Variants in FGF14 observed in about 807,000 individuals in gnomAD.
FGF14 encodes the protein fibroblast growth factor 14.
In FGF14, 5 loss-of-function variants were observed where a neutral mutation model predicts 25.5. The ratio of observed to expected loss-of-function variants is 0.20; its 90% confidence interval spans 0.10 to 0.41. FGF14 has a LOEUF of 0.41. Ranked by LOEUF, FGF14 falls within the 10% of genes least tolerant of loss-of-function variation. The pLI is 1.00. For synonymous variants in FGF14, 138 were observed against 118.3 expected (o/e 1.17, Z -1.08); for missense variants, 222 against 320.1 (o/e 0.69, Z 2.34).
chr13:101,901,211 A>G (rs941617907), intron 1 of FGF14, among the ~76,000 whole-genome samples: 1 of 152,078 alleles, frequency 6.6e-6, no homozygotes, highest in Non-Finnish European at 1.5e-5. Context: ...AAAAAAAAAT[A>G]TGGTGGAATT....
chr13:102,224,311 G>T (rs989611301), intron 1 of FGF14, among the ~76,000 whole-genome samples: 3 of 152,120 alleles, frequency 2.0e-5, no homozygotes, highest in Non-Finnish European at 2.9e-5. Flanking sequence ...AATTTTTAGT[G>T]TAAAAATTAG....
At chr13:101,736,072 A>C (rs1313816535) in intron 3 of FGF14, among the ~76,000 whole-genome samples, 1 of 152,224 alleles carries the variant, frequency 6.6e-6, no homozygotes, top group Non-Finnish European at 1.5e-5. Flanking sequence ...AGTAGAGATT[A>C]GTGATAGCTC....
chr13:102,170,071 A>C (rs2048184394), intron 1 of FGF14, among the ~76,000 whole-genome samples: 1 of 152,140 alleles, frequency 6.6e-6, no homozygotes, highest in African/African-American at 2.4e-5. Context: ...CCTTGTCTTC[A>C]TTCATCTTAT....
chr13:101,864,593 A>G (rs917509813), intron 3 of FGF14, among the ~76,000 whole-genome samples: 4 of 152,124 alleles, frequency 2.6e-5, no homozygotes, highest in African/African-American at 9.7e-5. Flanking sequence ...CGTGAGCCCT[A>G]ATATTTGCAA....
rs139490127 is a variant in FGF14 at position 102,316,647 on chromosome 13, T to C, written c.208+84824A>G. Among the ~76,000 whole-genome samples the C allele has an allele frequency of 5.1e-4, 77 of 152,286 alleles. No individual in the cohort carries two copies. The East Asian group carries it at 0.014, about 28-fold the overall frequency. ...CTATCTCTGTATATGTGTGTGTGTA[T>C]ATATATATGCATATAAAATATTACA... On this transcript the variant is annotated intron_variant, in intron 1 of 4. Transcript: ENST00000376131.
At chr13:101,727,498 C>T (rs1270239533) in intron 3 of FGF14, among the ~76,000 whole-genome samples, 1 of 152,114 alleles carries the variant, frequency 6.6e-6, no homozygotes, top group African/African-American at 2.4e-5. Context: ...AAAAACCACA[C>T]AGCATTTTTG....
At chr13:101,856,587 A>G (rs1210868486) in intron 3 of FGF14, among the ~76,000 whole-genome samples, 1 of 151,976 alleles carries the variant, frequency 6.6e-6, no homozygotes, top group African/African-American at 2.4e-5. Flanking sequence ...TTATTTTACC[A>G]TTTAACACAA....
chr13:101,812,635 ATATATATATATATATATATTTTTTTT>A (rs1369249445), intron 3 of FGF14, among the ~76,000 whole-genome samples: 1 of 11,018 alleles, frequency 9.1e-5, no homozygotes, highest in African/African-American at 3.2e-4. Flanking sequence ...ATATATATAT[ATATATATATATATATATATTTTTTTT>A]TTTTTTTTTT....
intron 1 of FGF14, among the ~76,000 whole-genome samples, chr13:101,968,399 C>T (rs765828998): frequency 6.6e-5 from 10 of 152,020 alleles, no homozygotes; most frequent in Non-Finnish European, 1.2e-4. Context: ...TTAGGCTGGG[C>T]GTGGTGGCTC....
intron 1 of FGF14, among the ~76,000 whole-genome samples, chr13:101,983,047 G>C (rs2139622316): frequency 6.6e-6 from 1 of 150,866 alleles, no homozygotes; most frequent in African/African-American, 2.5e-5. Context: ...CATATCAATT[G>C]AGTACTGCCA....
rs534685796 is a variant in FGF14, at chr13:102,186,205, C to T, written c.208+215266G>A. Among the ~76,000 whole-genome samples, 12 of 152,170 alleles carry T rather than the reference C, an allele frequency of 7.9e-5. No homozygotes were observed. The South Asian group carries it at 1.5e-3, about 18-fold the overall frequency. Reference sequence around the variant, plus strand: ...TAAATGGAATATTGCCACTTATAAGCGCAGCATTTCCCTAGGTAACAGAAA... The same window carrying T: ...TAAATGGAATATTGCCACTTATAAGTGCAGCATTTCCCTAGGTAACAGAAA... On this transcript the variant is annotated intron_variant, in intron 1 of 4. Transcript: ENST00000376131.
chr13:102,131,707 G>T (rs1345462651), intron 1 of FGF14, among the ~76,000 whole-genome samples: 1 of 150,760 alleles, frequency 6.6e-6, no homozygotes, highest in Non-Finnish European at 1.5e-5. Flanking sequence ...TACCTAATTT[G>T]TTTATGTTTT....
Position 101,716,004 on chromosome 13 carries a change from G to T in FGF14, c.*6827C>A. 1 of 251,778 alleles carries T rather than the reference G, an allele frequency of 4.0e-6. No individual in the cohort carries two copies. The highest frequency in any genetic ancestry group is 7.9e-6 in the Non-Finnish European group (1 of 127,320). The allele number at this position is 251,778 out of a possible 1,614,324, so 15.6% of individuals were successfully genotyped here. ...AGACATTTGGTGGGTAGAGGCCAGG[G>T]ATGCTGCTGAGCATCCCGCAGTGTA... On this transcript the variant is annotated 3_prime_UTR_variant, in exon 5 of 5. Coordinates refer to ENST00000376143, the MANE Select transcript of FGF14 (RefSeq NM_004115.4).
intron 1 of FGF14, among the ~76,000 whole-genome samples, chr13:101,879,291 T>A (rs940603873): frequency 3.9e-5 from 6 of 152,224 alleles, no homozygotes; most frequent in African/African-American, 1.4e-4. Context: ...CACAAAACTC[T>A]GTGCTAACAA....
chr13:102,130,282 G>C (rs2046138212), intron 1 of FGF14, among the ~76,000 whole-genome samples: 1 of 152,154 alleles, frequency 6.6e-6, no homozygotes, highest in African/African-American at 2.4e-5. Context: ...AGTCAAGGCA[G>C]GGCTGTGTTC....
intron 1 of FGF14, among the ~76,000 whole-genome samples, chr13:102,157,614 T>C (rs2047407051): frequency 6.6e-6 from 1 of 152,158 alleles, no homozygotes; most frequent in South Asian, 2.1e-4. Context: ...ACTTCATGTC[T>C]AAAACACCAA....
chr13:102,222,892 A>G (rs2050676956), intron 1 of FGF14, among the ~76,000 whole-genome samples: 1 of 152,204 alleles, frequency 6.6e-6, no homozygotes, highest in South Asian at 2.1e-4. Flanking sequence ...AATCCAGGTC[A>G]AGGCCTCCAT....
chr13:101,965,077 T>C (rs559972305), intron 1 of FGF14, among the ~76,000 whole-genome samples: 121 of 151,998 alleles, frequency 8.0e-4, no homozygotes, highest in Admixed American at 2.3e-3. Flanking sequence ...CCCCCTTGTC[T>C]ACTAAAAATA....
chr13:102,193,449 A>AC (rs970607025), intron 1 of FGF14, among the ~76,000 whole-genome samples: 1 of 152,186 alleles, frequency 6.6e-6, no homozygotes, highest in African/African-American at 2.4e-5. Flanking sequence ...AAGGCAACAC[A>AC]CATGTGCAGG....
Sources: gnomAD v4.1 joint callset for allele counts (sites outside exome capture counted in the v4.1 genomes callset) on GRCh38, gnomAD v4.1.1 for gene constraint, MANE v1.5 for transcripts, NCBI Gene and HGNC (gene_info 2026-07-23, HGNC 2026-07-21) for gene names.